The following PKNOX1 variants were observed in gnomAD, a reference collection of about 807,000 sequenced individuals.
PKNOX1 encodes PBX/knotted 1 homeobox 1.
PKNOX1 carries 15 observed loss-of-function variants against 51.9 expected under a neutral mutation model. The ratio of observed to expected loss-of-function variants is 0.29; its 90% CI spans 0.19 to 0.45. The LOEUF is 0.45. Among genes scored for constraint, PKNOX1 ranks in the 20% least tolerant of loss-of-function variants. The probability of loss-of-function intolerance (pLI) is 1.00; values close to 1 mark genes in which losing one functional copy is unlikely to be tolerated. For missense variants in PKNOX1, 462 were observed against 547.5 expected (o/e 0.84, Z 1.56); for synonymous variants, 219 against 211.1 (o/e 1.04, Z -0.32).
At chr21:42,975,153 G>C (rs1224861158) in intron 1 of PKNOX1, among the ~76,000 whole-genome samples, 1 of 145,818 alleles carries the variant, frequency 6.9e-6, no homozygotes, top group Non-Finnish European at 1.5e-5. Flanking sequence ...GGGCCGGTCG[G>C]GTCCGCGGCC....
intron 1 of PKNOX1, among the ~76,000 whole-genome samples, chr21:42,991,833 T>C (rs1370943551): frequency 6.6e-6 from 1 of 152,254 alleles, no homozygotes. Context: ...GGGCAGTTTT[T>C]AGTATGTGAA....
At chr21:42,988,118 C>T (rs548290250) in intron 1 of PKNOX1, among the ~76,000 whole-genome samples, 17 of 151,526 alleles carry the variant, frequency 1.1e-4, no homozygotes, top group African/African-American at 4.1e-4. Context: ...CAATGGCCTA[C>T]TCTCAGCTCA....
At chr21:43,008,792 A>AT (rs397774482) in intron 3 of PKNOX1, among the ~76,000 whole-genome samples, 14 of 151,462 alleles carry the variant, frequency 9.2e-5, no homozygotes, top group Non-Finnish European at 5.9e-5. Flanking sequence ...AAAAAAAAAA[A>AT]TTTTTTTTTA....
At chr21:42,979,965 T>TA (rs753533264) in intron 1 of PKNOX1, among the ~76,000 whole-genome samples, 3 of 152,214 alleles carry the variant, frequency 2.0e-5, no homozygotes, top group South Asian at 2.1e-4. Context: ...CTTCTGCGCT[T>TA]ATGATCTAAG....
intron 5 of PKNOX1, among the ~76,000 whole-genome samples, chr21:43,014,298 A>T (rs571419084): frequency 6.6e-6 from 1 of 152,112 alleles, no homozygotes; most frequent in East Asian, 1.9e-4. Context: ...TGGGATTACA[A>T]GCATGAGCTA....
intron 1 of PKNOX1, among the ~76,000 whole-genome samples, chr21:42,979,477 T>C (rs1180455972): frequency 6.6e-6 from 1 of 151,970 alleles, no homozygotes; most frequent in African/African-American, 2.4e-5. Context: ...GCGCAGTGGC[T>C]GACGCCTGTA....
intron 1 of PKNOX1, among the ~76,000 whole-genome samples, chr21:42,987,176 G>C (rs2059056192): frequency 6.6e-6 from 1 of 151,734 alleles, no homozygotes; most frequent in African/African-American, 2.4e-5. Flanking sequence ...GAGGCCAGGA[G>C]TTCAAGACCA....
intron 9 of PKNOX1, 200 bp from the exon 10 acceptor site, chr21:43,028,502 C>T: frequency 1.7e-6 from 1 of 593,268 alleles, no homozygotes. Context: ...ATTTTTAAAA[C>T]AACAGGCTCT....
intron 8 of PKNOX1, 70 bp from the exon 9 acceptor site, chr21:43,024,801 T>C (rs1273096631): frequency 5.2e-6 from 5 of 959,488 alleles, no homozygotes; most frequent in Non-Finnish European, 5.1e-6. Context: ...AATGCTCACA[T>C]TTTGCCTAAA....
chr21:42,978,251 C>T (rs375222618), intron 1 of PKNOX1, among the ~76,000 whole-genome samples: 1 of 152,010 alleles, frequency 6.6e-6, no homozygotes, highest in African/African-American at 2.4e-5. Flanking sequence ...GTGATCCGCC[C>T]GCCTTGGCCT....
At chr21:43,016,757 G>A in intron 5 of PKNOX1, 151 bp from the exon 6 acceptor site, 1 of 559,888 alleles carries the variant, frequency 1.8e-6, no homozygotes, top group South Asian at 2.2e-5. Flanking sequence ...TGTGCTGCGT[G>A]CATTCTGAAG....
At chr21:43,009,085 C>T (rs148888845) in intron 3 of PKNOX1, among the ~76,000 whole-genome samples, 28 of 152,252 alleles carry the variant, frequency 1.8e-4, no homozygotes, top group East Asian at 9.6e-4. Flanking sequence ...GGGGCCAAGT[C>T]GGGCAGATCA....
In PKNOX1 at chr21:43,021,946, C is replaced by T. The variant is rs1442508500; in HGVS notation, c.849+515C>T. ...CTCCCCCGGGCCATGGCCGCGTCTT[C>T]TCCCTGTCCCCAGGACATCTTAGGA... is the stretch of plus-strand genomic sequence containing the variant. On this transcript the variant is annotated intron_variant, in intron 8 of 10. Coordinates refer to ENST00000291547, the MANE Select transcript of PKNOX1 (RefSeq NM_004571.5). The surrounding 1 kb of genome is among the most constrained non-coding windows in gnomAD (Gnocchi z 4.6). Among the ~76,000 whole-genome samples the T allele has an allele frequency of 6.6e-6, 1 of 152,238 alleles. No individual in the cohort carries two copies. The highest frequency in any genetic ancestry group is 6.5e-5 in the Admixed American group (1 of 15,286).
At chr21:42,981,849 A>G (rs1288628996) in intron 1 of PKNOX1, among the ~76,000 whole-genome samples, 1 of 152,228 alleles carries the variant, frequency 6.6e-6, no homozygotes, top group Non-Finnish European at 1.5e-5. Flanking sequence ...GTTCAGGATC[A>G]TGCAGGGATA....
At chr21:42,990,515 G>C (rs1421202063) in intron 1 of PKNOX1, among the ~76,000 whole-genome samples, 1 of 152,136 alleles carries the variant, frequency 6.6e-6, no homozygotes, top group East Asian at 1.9e-4. Context: ...TGTGGAGTAG[G>C]GAAGGGGCAG....
At chr21:42,994,918 C>CTTTTTTTTTTTTTTTTT (rs11361350) in intron 1 of PKNOX1, among the ~76,000 whole-genome samples, 1 of 113,602 alleles carries the variant, frequency 8.8e-6, no homozygotes, top group South Asian at 2.9e-4. Context: ...TTTCTTTCTT[C>CTTTTTTTTTTTTTTTTT]TTTTTTTTTT....
chr21:43,007,585 C>T lies in PKNOX1; in HGVS notation c.146C>T (p.Thr49Ile). The change falls in exon 3 of 11, where the codon ACC becomes ATC. Residue 49 changes from threonine to isoleucine, a missense_variant. Thr to Ile is a moderately conservative substitution (Grantham distance 89, BLOSUM62 -1). Around this residue, in one of 5 missense-constraint regions of PKNOX1, gnomAD observed 129 missense variants for 133.4 expected, o/e 0.97. Transcript: ENST00000291547. ...GVSPPPVESQ[T>I]PMDVDKQAIY... ...AGCCCTCCCCCTGTGGAGTCTCAGA[C>T]CCCGATGGATGTGGACAAGCAGGCC... 1.2e-6 allele frequency: 2 copies of T among 1,614,148 alleles called. No individual in the cohort carries two copies. Among genetic ancestry groups the T allele is most frequent in the South Asian group, 1.1e-5 (1 of 91,086 alleles).
intron 1 of PKNOX1, among the ~76,000 whole-genome samples, chr21:42,976,372 C>T (rs2058997710): frequency 6.6e-6 from 1 of 152,184 alleles, no homozygotes; most frequent in Non-Finnish European, 1.5e-5. Flanking sequence ...TGGATGGCTG[C>T]TGACTGATCA....
At chr21:42,992,730 T>C (rs1240502061) in intron 1 of PKNOX1, among the ~76,000 whole-genome samples, 1 of 134,422 alleles carries the variant, frequency 7.4e-6, no homozygotes. Flanking sequence ...GCACTGGGGG[T>C]TCCCTCACAG....
Sources: allele counts gnomAD v4.1 joint callset (sites outside exome capture counted in the v4.1 genomes callset), GRCh38; gene constraint gnomAD v4.1.1; regional missense constraint gnomAD v4.1.1; non-coding constraint Gnocchi (gnomAD v3.1); transcripts MANE v1.5; gene names NCBI Gene and HGNC (gene_info 2026-07-23, HGNC 2026-07-21).